Variants in NFATC1 observed in about 807,000 individuals in gnomAD.
The protein encoded by NFATC1 is nuclear factor of activated T-cells, cytoplasmic 1.
In NFATC1, 22 loss-of-function variants were observed where a neutral mutation model predicts 76.0. The observed-to-expected ratio is 0.29, with a 90% CI of 0.21 to 0.41. NFATC1 has a LOEUF of 0.41. Ranked by LOEUF, NFATC1 falls within the 10% of genes least tolerant of loss-of-function variation. NFATC1 has a pLI of 1.00. For synonymous variants in NFATC1, 704 were observed against 613.1 expected, an observed-to-expected ratio of 1.15 and a Z score of -2.19; for missense variants, 1,357 against 1,337.7, an observed-to-expected ratio of 1.01 and a Z score of -0.23.
intron 3 of NFATC1, among the ~76,000 whole-genome samples, chr18:79,447,105 C>T (rs1056725255): frequency 6.6e-6 from 1 of 152,148 alleles, no homozygotes; most frequent in Admixed American, 6.5e-5. Context: ...TCCTCCCTGG[C>T]GGGGCTCTGA....
chr18:79,410,464 C>T lies in NFATC1; in HGVS notation c.189C>T (p.Ser63=), dbSNP rs1259663612. The T allele has an allele frequency of 2.5e-6, 4 of 1,612,432 alleles. No individual in the cohort carries two copies. Among genetic ancestry groups the T allele is most frequent in the Non-Finnish European group, 3.4e-6 (4 of 1,179,856 alleles). Residue 63 remains serine (S), a synonymous_variant, in exon 2 of 10, where the codon TCC becomes TCT. Transcript: ENST00000427363. The surrounding 1 kb of genome is among the most constrained non-coding windows in gnomAD (Gnocchi z 6.7). Reference sequence around the variant, plus strand: ...CCCTGCCGCTCCCCACGGCGCACTCCACCCTGCCGGCCCCGTGCCACAACC... The same window carrying T: ...CCCTGCCGCTCCCCACGGCGCACTCTACCCTGCCGGCCCCGTGCCACAACC... ...SPALPLPTAH[S]TLPAPCHNLQ...
chr18:79,424,750 CCTGTCTCTGTTTCT>C (rs1320625145), intron 2 of NFATC1, among the ~76,000 whole-genome samples: 1 of 115,900 alleles, frequency 8.6e-6, no homozygotes, highest in Non-Finnish European at 1.8e-5. Flanking sequence ...TGTGTCTGTC[CCTGTCTCTGTTTCT>C]CTGTCTCTCT....
chr18:79,462,666 G>A (rs2088177490), intron 7 of NFATC1, among the ~76,000 whole-genome samples: 1 of 152,184 alleles, frequency 6.6e-6, no homozygotes, highest in Admixed American at 6.5e-5. Context: ...TGAGTGTTCT[G>A]TTTAGTCCTA....
At chr18:79,502,808 A>G (rs1277923074) in intron 9 of NFATC1, among the ~76,000 whole-genome samples, 2 of 152,242 alleles carry the variant, frequency 1.3e-5, no homozygotes, top group African/African-American at 4.8e-5. Flanking sequence ...GCTTTAGGAG[A>G]TAAGATAGAC....
chr18:79,500,003 G>A (rs1183864899), intron 9 of NFATC1, among the ~76,000 whole-genome samples: 1 of 152,106 alleles, frequency 6.6e-6, no homozygotes, highest in Non-Finnish European at 1.5e-5. Context: ...ATTAAAGGGA[G>A]AAATACATAG....
intron 9 of NFATC1, among the ~76,000 whole-genome samples, chr18:79,517,819 G>A (rs2145199624): frequency 6.6e-6 from 1 of 152,350 alleles, no homozygotes; most frequent in East Asian, 1.9e-4. Context: ...GCTTTTAAAT[G>A]TGTTTTGTGC....
chr18:79,437,166 G>T (rs892016353), intron 3 of NFATC1, among the ~76,000 whole-genome samples: 1 of 152,190 alleles, frequency 6.6e-6, no homozygotes, highest in South Asian at 2.1e-4. Context: ...TGATGGGTGC[G>T]CCCCCTCTGC....
At chr18:79,488,568 C>T (rs2089590414) in intron 9 of NFATC1, among the ~76,000 whole-genome samples, 2 of 152,176 alleles carry the variant, frequency 1.3e-5, no homozygotes, top group Non-Finnish European at 2.9e-5. Context: ...TTCTTACTGT[C>T]TGACCTGCCT....
chr18:79,522,946 C>G (rs904168602), intron 9 of NFATC1, among the ~76,000 whole-genome samples: 7 of 152,228 alleles, frequency 4.6e-5, no homozygotes, highest in African/African-American at 1.7e-4. Flanking sequence ...GGGCAGGTGG[C>G]TGTTCAGGGC....
chr18:79,494,749 G>A (rs113242757), intron 9 of NFATC1, among the ~76,000 whole-genome samples: 81 of 40,222 alleles, frequency 2.0e-3, no homozygotes, highest in East Asian at 2.6e-3. Flanking sequence ...GCCCCCCATC[G>A]ACCTGGTACC....
At chr18:79,418,153 T>G (rs2085943303) in intron 2 of NFATC1, among the ~76,000 whole-genome samples, 1 of 152,000 alleles carries the variant, frequency 6.6e-6, no homozygotes. Context: ...GGGGTGTTGA[T>G]GGAGACTGTG....
intron 2 of NFATC1, among the ~76,000 whole-genome samples, chr18:79,416,677 T>A (rs1187784894): frequency 1.3e-5 from 2 of 152,144 alleles, no homozygotes; most frequent in East Asian, 3.8e-4. Context: ...AACACTGGCA[T>A]GGGCTGGAAC....
At chr18:79,523,013 C>T (rs562360007) in intron 9 of NFATC1, among the ~76,000 whole-genome samples, 1 of 152,326 alleles carries the variant, frequency 6.6e-6, no homozygotes, top group Admixed American at 6.5e-5. Flanking sequence ...CCTGTCAGCT[C>T]TGGGGTCCCT....
intron 2 of NFATC1, among the ~76,000 whole-genome samples, chr18:79,427,898 G>GCTGGACGGCTGGCCTCTGTGCGGT (rs2086448454): frequency 6.9e-6 from 1 of 143,968 alleles, no homozygotes; most frequent in African/African-American, 2.6e-5. Flanking sequence ...GAGTCGGGGA[G>GCTGGACGGCTGGCCTCTGTGCGGT]GGGGGTGGCT....
At chr18:79,477,571 G>A (rs2089125971) in intron 8 of NFATC1, among the ~76,000 whole-genome samples, 1 of 149,030 alleles carries the variant, frequency 6.7e-6, no homozygotes, top group African/African-American at 2.6e-5. Flanking sequence ...ACTGTTGGTG[G>A]AAGAAGGGAG....
chr18:79,492,956 C>T (rs1228834755), intron 9 of NFATC1, among the ~76,000 whole-genome samples: 3 of 126,026 alleles, frequency 2.4e-5, no homozygotes, highest in East Asian at 5.3e-4. Context: ...GTCCTTTCTA[C>T]TCCCAAGTTT....
At chr18:79,501,110 A>G (rs2090003464) in intron 9 of NFATC1, among the ~76,000 whole-genome samples, 1 of 152,046 alleles carries the variant, frequency 6.6e-6, no homozygotes, top group South Asian at 2.1e-4. Context: ...CCAACAACAT[A>G]AAAAAAAGAT....
chr18:79,409,872 T>A (rs1445762674), intron 1 of NFATC1, among the ~76,000 whole-genome samples: 9 of 152,210 alleles, frequency 5.9e-5, no homozygotes, highest in South Asian at 2.1e-4. Flanking sequence ...GTGGGATGAA[T>A]GAGTAAAAAC....
At chr18:79,433,469 A>G (rs1600699176) in intron 2 of NFATC1, 110 bp from the exon 3 acceptor site, 3 of 1,287,744 alleles carry the variant, frequency 2.3e-6, no homozygotes, top group Non-Finnish European at 2.2e-6. Context: ...CAGGACGTGC[A>G]CTCGCCGATG....
Sources: allele counts gnomAD v4.1 joint callset (sites outside exome capture counted in the v4.1 genomes callset), GRCh38; gene constraint gnomAD v4.1.1; non-coding constraint Gnocchi (gnomAD v3.1); transcripts MANE v1.5; gene names NCBI Gene and HGNC (gene_info 2026-07-23, HGNC 2026-07-21).